PTPRG: variants seen among roughly 807,000 people sequenced by gnomAD.
PTPRG encodes the protein receptor-type tyrosine-protein phosphatase gamma.
Under a neutral mutation model 165.3 loss-of-function variants are expected in PTPRG, and 102 were observed. The observed-to-expected ratio is 0.62, with a 90% CI of 0.53 to 0.73. PTPRG has a LOEUF of 0.73. Ranked by LOEUF, PTPRG falls within the 30% of genes least tolerant of loss-of-function variation. PTPRG has a pLI of 0.00. For missense variants in PTPRG, 1,866 were observed against 1,861.4 expected (o/e 1.00, Z -0.05); for synonymous variants, 675 against 669.5 (o/e 1.01, Z -0.13).
chr3:62,098,101 T>C (rs1390462138), intron 5 of PTPRG, among the ~76,000 whole-genome samples: 1 of 152,226 alleles, frequency 6.6e-6, no homozygotes, highest in African/African-American at 2.4e-5. Flanking sequence ...AAAAATAGTT[T>C]AATATCAATT....
intron 3 of PTPRG, among the ~76,000 whole-genome samples, chr3:62,002,074 A>G (rs1264347548): frequency 6.6e-6 from 1 of 152,222 alleles, no homozygotes; most frequent in African/African-American, 2.4e-5. Context: ...CATTCCTTGT[A>G]TATTTTTTCA....
chr3:61,866,892 C>G (rs780761784), intron 2 of PTPRG, among the ~76,000 whole-genome samples: 1 of 152,094 alleles, frequency 6.6e-6, no homozygotes, highest in African/African-American at 2.4e-5. Flanking sequence ...ACACCGCACC[C>G]GGCCAAAGTG....
chr3:61,762,988 G>T (rs1406460828), intron 2 of PTPRG, among the ~76,000 whole-genome samples: 1 of 152,098 alleles, frequency 6.6e-6, no homozygotes, highest in Admixed American at 6.5e-5. Context: ...AGGAGAAAGG[G>T]AACGTGTCCC....
intron 2 of PTPRG, among the ~76,000 whole-genome samples, chr3:61,826,969 A>T (rs1416482609): frequency 6.6e-6 from 1 of 151,752 alleles, no homozygotes. Flanking sequence ...AGCCTTACTT[A>T]TCCCGCCCTC....
At chr3:61,734,863 A>AG (rs892298758) in intron 1 of PTPRG, among the ~76,000 whole-genome samples, 3 of 152,114 alleles carry the variant, frequency 2.0e-5, no homozygotes, top group Admixed American at 6.6e-5. Context: ...AGATATTGAG[A>AG]GGGGGGGAAT....
At chr3:62,265,738 AC>A (rs1701842065) in intron 17 of PTPRG, among the ~76,000 whole-genome samples, 2 of 152,018 alleles carry the variant, frequency 1.3e-5, no homozygotes, top group African/African-American at 4.8e-5. Context: ...ATCAAGGCTC[AC>A]CACTGCTGTG....
intron 16 of PTPRG, among the ~76,000 whole-genome samples, chr3:62,257,913 A>C (rs1007170418): frequency 6.6e-6 from 1 of 152,142 alleles, no homozygotes; most frequent in Non-Finnish European, 1.5e-5. Flanking sequence ...GCAGTGACCT[A>C]TGACCGTACC....
intron 2 of PTPRG, among the ~76,000 whole-genome samples, chr3:61,839,100 A>G (rs2036550059): frequency 6.6e-6 from 1 of 152,234 alleles, no homozygotes; most frequent in Non-Finnish European, 1.5e-5. Context: ...AAAACCAACA[A>G]GGCATATATC....
chr3:61,929,515 C>T (rs1040325007), intron 2 of PTPRG, among the ~76,000 whole-genome samples: 1 of 152,250 alleles, frequency 6.6e-6, no homozygotes, highest in Admixed American at 6.5e-5. Flanking sequence ...TCATAATGGG[C>T]TTCCTTTGAG....
At chr3:61,601,973 G>A (rs535461674) in intron 1 of PTPRG, among the ~76,000 whole-genome samples, 13 of 152,294 alleles carry the variant, frequency 8.5e-5, no homozygotes, top group African/African-American at 3.1e-4. Flanking sequence ...CTGTTAGAGC[G>A]TTGCTGTCAA....
chr3:61,715,662 C>G (rs1291507276), intron 1 of PTPRG, among the ~76,000 whole-genome samples: 3 of 152,120 alleles, frequency 2.0e-5, no homozygotes, highest in Admixed American at 2.0e-4. Flanking sequence ...GACTGCCTAA[C>G]TGCCTGCAGT....
chr3:61,631,784 A>C (rs900576535), intron 1 of PTPRG, among the ~76,000 whole-genome samples: 1 of 152,238 alleles, frequency 6.6e-6, no homozygotes, highest in Non-Finnish European at 1.5e-5. Context: ...TTGCAAGTAC[A>C]TGAAAAGCTT....
intron 2 of PTPRG, among the ~76,000 whole-genome samples, chr3:61,876,141 T>A (rs1253873118): frequency 6.6e-6 from 1 of 152,224 alleles, no homozygotes; most frequent in Non-Finnish European, 1.5e-5. Context: ...TGTAGTATTC[T>A]TGACAAAAAT....
intron 1 of PTPRG, among the ~76,000 whole-genome samples, chr3:61,593,420 A>G (rs1337591146): frequency 6.7e-6 from 1 of 149,752 alleles, no homozygotes; most frequent in African/African-American, 2.5e-5. Flanking sequence ...AAAAAAACCA[A>G]CCACAAAAGA....
At chr3:62,261,946 T>G (rs1307203869) in intron 16 of PTPRG, 1 of 152,194 alleles carries the variant, frequency 6.6e-6, no homozygotes, top group African/African-American at 2.4e-5. Context: ...TGTAAAACAT[T>G]TCTCCTGATA....
At chr3:61,891,287 T>C (rs2038207587) in intron 2 of PTPRG, among the ~76,000 whole-genome samples, 1 of 152,048 alleles carries the variant, frequency 6.6e-6, no homozygotes, top group Non-Finnish European at 1.5e-5. Flanking sequence ...AGAGCGAGAC[T>C]CCATCTCCAA....
chr3:62,230,724 G>C (rs548889414), intron 13 of PTPRG, among the ~76,000 whole-genome samples: 11 of 152,304 alleles, frequency 7.2e-5, no homozygotes, highest in Non-Finnish European at 1.5e-4. Flanking sequence ...TTAAGAAAAT[G>C]TTTGTTCTGA....
In PTPRG at chr3:62,188,906, A is replaced by G. The variant is rs184165164; in HGVS notation, c.1034-2563A>G. Among the ~76,000 whole-genome samples the G allele has an allele frequency of 1.1e-3, 162 of 152,192 alleles. 1 individual carries two copies. Among genetic ancestry groups the G allele is most frequent in the Admixed American group, 0.011 (161 of 15,294 alleles). On this transcript the variant is annotated intron_variant, in intron 8 of 29. Coordinates refer to ENST00000474889, the MANE Select transcript of PTPRG (RefSeq NM_002841.4). ...ATGTACATCTCGGTTCGTTATTAGTATTTGGAACGCTGGGGGTGTAGCTAT... is the reference window on the plus strand; with the variant it reads ...ATGTACATCTCGGTTCGTTATTAGTGTTTGGAACGCTGGGGGTGTAGCTAT...
At chr3:62,095,231 T>TA (rs747618372) in intron 5 of PTPRG, among the ~76,000 whole-genome samples, 90 of 152,326 alleles carry the variant, frequency 5.9e-4, no homozygotes, top group Admixed American at 9.2e-4. Flanking sequence ...AGGGGACTCT[T>TA]ACGCCGTGAT....
Sources: gnomAD v4.1 joint callset for allele counts (sites outside exome capture counted in the v4.1 genomes callset) on GRCh38, gnomAD v4.1.1 for gene constraint, MANE v1.5 for transcripts, NCBI Gene and HGNC (gene_info 2026-07-23, HGNC 2026-07-21) for gene names.